Variants in MCC observed in about 807,000 individuals in gnomAD.
The protein encoded by MCC is colorectal mutant cancer protein.
In MCC, 90 loss-of-function variants were observed where a neutral mutation model predicts 116.2. That is an observed-to-expected ratio of 0.77 (90% confidence interval 0.65 to 0.92). The LOEUF is 0.92. MCC is among the 40% of genes least tolerant of loss of function. The pLI, the probability that MCC is intolerant of heterozygous loss-of-function variation, is 0.00. For synonymous variants in MCC, 578 were observed against 510.5 expected, an observed-to-expected ratio of 1.13 and a Z score of -1.78; for missense variants, 1,516 against 1,312.2, an observed-to-expected ratio of 1.16 and a Z score of -2.40.
Position 113,043,605 on chromosome 5 carries a change from G to C in MCC, c.2681C>G (p.Ala894Gly). ...GKECADAASP[A>G]LSLAELRTTC... ...TGTCCTGAGTTCGGCTAGGGACAGAGCTGGGGAGGCAGCATCAGCACACTC... is the reference window on the plus strand; with the variant it reads ...TGTCCTGAGTTCGGCTAGGGACAGACCTGGGGAGGCAGCATCAGCACACTC... The change falls in exon 17 of 19, where the codon GCT becomes GGT. Residue 894 changes from alanine (A) to glycine (G), a missense_variant. Physicochemically the swap from Ala to Gly is moderately conservative, Grantham distance 60 (BLOSUM62 0). Transcript: ENST00000408903. 6.2e-7 allele frequency: 1 copy of C among 1,614,134 alleles called. No homozygotes were observed. The highest frequency in any genetic ancestry group is 8.5e-7 in the Non-Finnish European group (1 of 1,179,968).
At chr5:113,036,424 T>C (rs959518192) in intron 17 of MCC, among the ~76,000 whole-genome samples, 1 of 152,180 alleles carries the variant, frequency 6.6e-6, no homozygotes, top group African/African-American at 2.4e-5. Context: ...CTTACGCATC[T>C]CACTGGGTAG....
intron 3 of MCC, among the ~76,000 whole-genome samples, chr5:113,211,187 A>C (rs1763122295): frequency 6.6e-6 from 1 of 152,190 alleles, no homozygotes. Flanking sequence ...CCCTTACAAA[A>C]GAGACCCCAG....
intron 7 of MCC, among the ~76,000 whole-genome samples, chr5:113,103,889 T>C (rs998438779): frequency 2.6e-5 from 4 of 152,198 alleles, no homozygotes; most frequent in Non-Finnish European, 4.4e-5. Context: ...AGTGGCTCTA[T>C]GATGAACCAC....
chr5:113,340,435 G>A, intron 3 of MCC, 84 bp downstream of exon 3: 1 of 1,119,736 alleles, frequency 8.9e-7, no homozygotes, highest in Non-Finnish European at 1.3e-6. Context: ...TACCCGATAT[G>A]TCCCCTGGAG....
chr5:113,270,533 TA>T (rs1765572281), intron 3 of MCC, among the ~76,000 whole-genome samples: 2 of 151,056 alleles, frequency 1.3e-5, no homozygotes, highest in South Asian at 4.3e-4. Context: ...ATAAAAAACC[TA>T]GGTACCCAAG....
chr5:113,439,333 G>A (rs952622009), intron 1 of MCC, among the ~76,000 whole-genome samples: 2 of 148,996 alleles, frequency 1.3e-5, no homozygotes, highest in African/African-American at 2.5e-5. Context: ...GACAATTGGA[G>A]GGTTTCACAG....
chr5:113,163,595 C>G (rs1760621038), intron 3 of MCC, among the ~76,000 whole-genome samples: 2 of 152,036 alleles, frequency 1.3e-5, no homozygotes, highest in Non-Finnish European at 2.9e-5. Context: ...TCCAAGAAGG[C>G]AGGGATGTCA....
intron 5 of MCC, among the ~76,000 whole-genome samples, chr5:113,131,221 G>T (rs939856380): frequency 6.6e-6 from 1 of 152,142 alleles, no homozygotes; most frequent in African/African-American, 2.4e-5. Flanking sequence ...GGAAAGAAAA[G>T]ATCTCATGTT....
At chr5:113,182,052 T>C (rs1412023500) in intron 3 of MCC, among the ~76,000 whole-genome samples, 1 of 152,126 alleles carries the variant, frequency 6.6e-6, no homozygotes, top group Non-Finnish European at 1.5e-5. Flanking sequence ...GCTCGGTGGG[T>C]TTAGCTGGAA....
Position 113,470,204 on chromosome 5 carries a change from G to A in MCC, c.170+18041C>T, listed in dbSNP as rs1242444951. On this transcript the variant is annotated intron_variant, in intron 1 of 18. Transcript: ENST00000408903. ...ACATTTAAAGTTAATATTGTTATGT[G>A]TGAATTTGATCCTGTCTTTATGATG... Among the ~76,000 whole-genome samples, 4 of 152,298 alleles carry A rather than the reference G, an allele frequency of 2.6e-5. No individual in the cohort carries two copies. The South Asian group carries it at 8.3e-4, about 32-fold the overall frequency.
chr5:113,131,107 GA>G (rs1423167350), intron 5 of MCC, among the ~76,000 whole-genome samples: 6 of 152,196 alleles, frequency 3.9e-5, no homozygotes, highest in African/African-American at 1.2e-4. Context: ...GTGAGCTAAC[GA>G]GCAAAGGGGA....
At chr5:113,474,435 C>T (rs1772181397) in intron 1 of MCC, among the ~76,000 whole-genome samples, 1 of 152,212 alleles carries the variant, frequency 6.6e-6, no homozygotes, top group Non-Finnish European at 1.5e-5. Flanking sequence ...ATGCTTGGAG[C>T]AGCCTGGGAC....
chr5:113,334,941 GC>G (rs1767835408), intron 3 of MCC, among the ~76,000 whole-genome samples: 1 of 151,544 alleles, frequency 6.6e-6, no homozygotes, highest in Admixed American at 6.6e-5. Context: ...CCATTCCTTA[GC>G]CCTTTTCTCA....
intron 3 of MCC, among the ~76,000 whole-genome samples, chr5:113,212,245 C>T (rs1436020781): frequency 1.3e-5 from 2 of 152,150 alleles, no homozygotes; most frequent in African/African-American, 4.8e-5. Context: ...CTATCTAATA[C>T]TCAAAGGCAA....
rs545439760 is a variant in MCC at position 113,027,259 on chromosome 5, C to G, written c.*43G>C. Reference sequence around the variant, plus strand: ...CCCTTCTGTCCCCAGTGGCCTGCTGCAGTTTACTTCCCATGGGCAGAACTC... The same window carrying G: ...CCCTTCTGTCCCCAGTGGCCTGCTGGAGTTTACTTCCCATGGGCAGAACTC... On this transcript the variant is annotated 3_prime_UTR_variant, in exon 19 of 19. Coordinates refer to ENST00000408903, the MANE Select transcript of MCC (RefSeq NM_001085377.2). 1 of 1,600,148 alleles carries G rather than the reference C, an allele frequency of 6.2e-7. No homozygotes were observed. The highest frequency in any genetic ancestry group is 1.1e-5 in the South Asian group (1 of 89,378).
Position 113,049,185 on chromosome 5 carries a change from C to G in MCC, c.2563G>C (p.Glu855Gln). 1 of 1,614,172 alleles carries G rather than the reference C, an allele frequency of 6.2e-7. No individual in the cohort carries two copies. Among genetic ancestry groups the G allele is most frequent in the Non-Finnish European group, 8.5e-7 (1 of 1,180,034 alleles). The change falls in exon 16 of 19, where the codon GAG becomes CAG. Residue 855 changes from glutamate to glutamine, a missense_variant. Glu to Gln is a conservative substitution (Grantham distance 29). Coordinates refer to ENST00000408903, the MANE Select transcript of MCC (RefSeq NM_001085377.2). Reference protein sequence around the residue: ...AQEQAYLVHIEHLKSEVEEQK... With the variant: ...AQEQAYLVHIQHLKSEVEEQK... ...TCCTCCACCTCGGACTTCAGGTGCT[C>G]AATGTGCACCAGGTAGGCCTGCTCC...
rs574726635 is a variant in MCC at position 113,298,244 on chromosome 5, A to G, written c.627+42275T>C. 1.7e-4 allele frequency among the ~76,000 whole-genome samples: 26 copies of G among 152,332 alleles called. No homozygotes were observed. In the South Asian group the frequency reaches 5.2e-3, roughly 30 times the overall value. On this transcript the variant is annotated intron_variant, in intron 3 of 18. Transcript: ENST00000408903. The stretch of plus-strand genomic sequence containing the variant: ...ATGATACAGAAGGTCAATTAGGGAA[A>G]TGGGAAGATAACCAGGAGACCTCTG...
At chr5:113,294,634 G>T in intron 3 of MCC, 3 of 1,129,986 alleles carry the variant, frequency 2.7e-6, no homozygotes, top group Non-Finnish European at 3.2e-6. Flanking sequence ...TCGCAGCTGC[G>T]GCAGCGGCGG....
intron 8 of MCC, among the ~76,000 whole-genome samples, chr5:113,091,306 G>A (rs934429962): frequency 1.3e-5 from 2 of 152,098 alleles, no homozygotes; most frequent in Non-Finnish European, 1.5e-5. Flanking sequence ...TTTGTAAATC[G>A]CCCAGTATCA....
Sources: gnomAD v4.1 joint callset for allele counts (sites outside exome capture counted in the v4.1 genomes callset) on GRCh38, gnomAD v4.1.1 for gene constraint, MANE v1.5 for transcripts, NCBI Gene and HGNC (gene_info 2026-07-23, HGNC 2026-07-21) for gene names.